Variants in GRSF1 observed in about 807,000 individuals in gnomAD.
The protein encoded by GRSF1 is G-rich sequence factor 1.
In GRSF1, 50 loss-of-function variants were observed where a neutral mutation model predicts 51.1. That is an observed-to-expected ratio of 0.98 (90% CI 0.78 to 1.24). GRSF1 has a LOEUF of 1.24. Among genes scored for constraint, GRSF1 ranks in the 50% most tolerant of loss-of-function variants. The pLI, the probability that GRSF1 is intolerant of heterozygous loss-of-function variation, is 0.00. For missense variants in GRSF1, 700 were observed against 639.7 expected, an observed-to-expected ratio of 1.09 and a Z score of -1.02; for synonymous variants, 293 against 253.3, an observed-to-expected ratio of 1.16 and a Z score of -1.49.
In GRSF1 at chr4:70,825,395, C is replaced by T. The variant is rs1733695321; in HGVS notation, c.1294G>A (p.Glu432Lys). The T allele has an allele frequency of 6.2e-7, 1 of 1,611,542 alleles. No homozygotes were observed. Among genetic ancestry groups the T allele is most frequent in the African/African-American group, 1.3e-5 (1 of 74,762 alleles). ...APLKPVRITM[E>K]YSSSGKATGE... ...GTGGCCTTCCCACTGGAGCTGTATT[C>T]CATGGTGATTCTAACAGGCTTGAGT... is the stretch of plus-strand genomic sequence containing the variant. Residue 432 changes from glutamate to lysine, a missense_variant, in exon 8 of 10, where the codon GAA becomes AAA. By Grantham distance (56) the Glu-to-Lys change is moderately conservative. Transcript: ENST00000254799.
intron 2 of GRSF1, 67 bp from the exon 3 acceptor site, chr4:70,833,340 C>T (rs1734064123): frequency 4.4e-6 from 6 of 1,373,996 alleles, no homozygotes; most frequent in Non-Finnish European, 5.1e-6. Flanking sequence ...ATGTAAGTCA[C>T]AAGAATGCAG....
chr4:70,830,610 G>T (rs1049008208), intron 5 of GRSF1, among the ~76,000 whole-genome samples: 2 of 151,818 alleles, frequency 1.3e-5, no homozygotes, highest in Non-Finnish European at 2.9e-5. Flanking sequence ...CTTGAGTCCG[G>T]GAGTTCTAGA....
chr4:70,827,369 C>T (rs971569094), intron 6 of GRSF1, among the ~76,000 whole-genome samples: 13 of 152,158 alleles, frequency 8.5e-5, no homozygotes, highest in African/African-American at 2.9e-4. Flanking sequence ...ATGTTGACAT[C>T]TTACTTCCTT....
At position 70,819,478 on chromosome 4, in the gene GRSF1, A is replaced by G. The variant is rs1277602154; in HGVS notation, c.*1409T>C. The G allele has an allele frequency of 2.0e-5, 3 of 152,226 alleles. No individual in the cohort carries two copies. The highest frequency in any genetic ancestry group is 6.5e-5 in the Admixed American group (1 of 15,268). The allele number at this position is 152,226 out of a possible 1,614,324, so 9.4% of individuals were successfully genotyped here. ...TATTAATATAGCAGGACTTGAGGTAATAATATATTCAGTTGACTCACAGAC... is the reference window on the plus strand; with the variant it reads ...TATTAATATAGCAGGACTTGAGGTAGTAATATATTCAGTTGACTCACAGAC... On this transcript the variant is annotated 3_prime_UTR_variant, in exon 10 of 10. Transcript: ENST00000254799.
upstream of GRSF1, among the ~76,000 whole-genome samples, chr4:70,840,387 A>C (rs1488125843): frequency 6.6e-6 from 1 of 152,224 alleles, no homozygotes; most frequent in Non-Finnish European, 1.5e-5. Flanking sequence ...GCACTTTGGC[A>C]GGCAGAGGCG....
chr4:70,832,402 T>C lies in GRSF1; in HGVS notation c.719A>G (p.Gln240Arg). 6.2e-7 allele frequency: 1 copy of C among 1,610,954 alleles called. No individual in the cohort carries two copies. Among genetic ancestry groups the C allele is most frequent in the Non-Finnish European group, 8.5e-7 (1 of 1,177,166 alleles). Residue 240 changes from glutamine to arginine, a missense_variant, in exon 4 of 10, where the codon CAG becomes CGG. Transcript: ENST00000254799. ...ATTTACCACAGGCGAAGATTTGACC[T>C]GCAAGCTCTTCATTAAGGCATCCAC... The part of the protein sequence containing the change: ...EDVDALMKSL[Q>R]VKSSPVVNDG...
At chr4:70,835,147 G>A (rs35095094) in intron 2 of GRSF1, among the ~76,000 whole-genome samples, 138,242 of 151,808 alleles carry the variant, frequency 0.91, 63,972 homozygotes, top group East Asian at 1. Context: ...TGGCTACGTA[G>A]TATTCCATCA....
At chr4:70,839,403 G>C in intron 1 of GRSF1, 68 bp downstream of exon 1, 1 of 1,506,950 alleles carries the variant, frequency 6.6e-7, no homozygotes, top group Non-Finnish European at 8.8e-7. Context: ...AGGGACGGAG[G>C]GGCGCGGGGG....
chr4:70,842,028 G>A (rs1432438588), upstream of GRSF1, among the ~76,000 whole-genome samples: 4 of 152,206 alleles, frequency 2.6e-5, no homozygotes, highest in East Asian at 7.7e-4. Flanking sequence ...AGACAGCCTG[G>A]CTGGGAGAGG....
intron 5 of GRSF1, among the ~76,000 whole-genome samples, chr4:70,828,254 A>C (rs558197718): frequency 6.6e-6 from 1 of 152,304 alleles, no homozygotes; most frequent in East Asian, 1.9e-4. Context: ...TCAAGGTAAC[A>C]CTTTTTCTTC....
At chr4:70,836,896 T>A (rs7678086) in intron 1 of GRSF1, among the ~76,000 whole-genome samples, 150,486 of 152,338 alleles carry the variant, frequency 0.99, 74,348 homozygotes, top group Middle Eastern at 1. Context: ...CCCATTTGAA[T>A]AACAGCAATT....
chr4:70,831,522 G>C lies in GRSF1; in HGVS notation c.950+17C>G. 3.1e-6 allele frequency: 5 copies of C among 1,608,306 alleles called. No homozygotes were observed. Among genetic ancestry groups the C allele is most frequent in the Non-Finnish European group, 4.3e-6 (5 of 1,176,294 alleles). On this transcript the variant is annotated intron_variant, in intron 5 of 9. Coordinates refer to ENST00000254799, the MANE Select transcript of GRSF1 (RefSeq NM_002092.4). ...AATGTGTAACACTTCTGCATCATTA[G>C]TATCTGCTTTACTCACCGATTACCA...
At chr4:70,829,598 G>A (rs1733877829) in intron 5 of GRSF1, among the ~76,000 whole-genome samples, 1 of 152,098 alleles carries the variant, frequency 6.6e-6, no homozygotes, top group Admixed American at 6.6e-5. Flanking sequence ...CAACTGCAGT[G>A]AGCTGTATCA....
chr4:70,831,474 C>T, intron 5 of GRSF1, 65 bp downstream of exon 5: 1 of 1,398,206 alleles, frequency 7.2e-7, no homozygotes, highest in Admixed American at 1.8e-5. Context: ...AGTCATATTA[C>T]AGCACATTCA....
At chr4:70,836,116 T>TA in intron 2 of GRSF1, 42 bp downstream of exon 2, 1 of 1,189,730 alleles carries the variant, frequency 8.4e-7, no homozygotes, top group East Asian at 2.9e-5. Context: ...AGAAACAATA[T>TA]AAGGAAAAAA....
intron 7 of GRSF1, chr4:70,825,895 G>A: frequency 4.7e-6 from 2 of 424,712 alleles, no homozygotes; most frequent in Non-Finnish European, 8.4e-6. Context: ...TCACTCCACT[G>A]CACTCCAGCC....
At chr4:70,824,481 T>C in intron 8 of GRSF1, 113 bp from the exon 9 acceptor site, 1 of 618,300 alleles carries the variant, frequency 1.6e-6, no homozygotes, top group Non-Finnish European at 2.9e-6. Flanking sequence ...TTCCTTTCCC[T>C]AATTAAAAAC....
In GRSF1 at chr4:70,818,876, T is replaced by C. The variant is rs908596265; in HGVS notation, c.*2011A>G. On this transcript the variant is annotated 3_prime_UTR_variant, in exon 10 of 10. Transcript: ENST00000254799. The stretch of plus-strand genomic sequence containing the variant: ...TGATGCAAAACAGTCTTCTCAAATG[T>C]GGGGAGACGGTACCGTCTTCCACTT... The C allele has an allele frequency of 6.6e-6, 1 of 152,150 alleles. No individual in the cohort carries two copies. Among genetic ancestry groups the C allele is most frequent in the African/African-American group, 2.4e-5 (1 of 41,454 alleles). 9.4% of individuals were successfully genotyped at this position (152,150 alleles called of 1,614,324 possible).
intron 8 of GRSF1, 70 bp downstream of exon 8, chr4:70,825,226 A>T: frequency 7.5e-7 from 1 of 1,331,364 alleles, no homozygotes; most frequent in Non-Finnish European, 1.0e-6. Flanking sequence ...ACAATCCCAA[A>T]ACAGAAAAAG....
Sources: allele counts gnomAD v4.1 joint callset (sites outside exome capture counted in the v4.1 genomes callset), GRCh38; gene constraint gnomAD v4.1.1; transcripts MANE v1.5; gene names NCBI Gene and HGNC (gene_info 2026-07-23, HGNC 2026-07-21).